The following DAAM1 variants were observed in gnomAD, a reference collection of about 807,000 sequenced individuals.
The protein encoded by DAAM1 is disheveled-associated activator of morphogenesis 1.
A neutral mutation model predicts 130.0 loss-of-function variants in DAAM1; 52 were observed. The observed-to-expected ratio is 0.40, with a 90% confidence interval of 0.32 to 0.50. The LOEUF (loss-of-function observed/expected upper bound fraction) is 0.50, where lower values mean the gene tolerates loss of function less well. DAAM1 is among the 20% of genes least tolerant of loss of function. The pLI, the probability that DAAM1 is intolerant of heterozygous loss-of-function variation, is 0.61. For missense variants in DAAM1, 1,134 were observed against 1,303.8 expected (o/e 0.87, Z 2.01); for synonymous variants, 452 against 444.5 (o/e 1.02, Z -0.21).
intron 23 of DAAM1, among the ~76,000 whole-genome samples, chr14:59,365,963 C>T (rs991402205): frequency 2.0e-5 from 3 of 152,100 alleles, no homozygotes; most frequent in African/African-American, 7.2e-5. Context: ...CTATTGAAAA[C>T]ATACTATCTT....
intron 3 of DAAM1, among the ~76,000 whole-genome samples, chr14:59,304,913 G>T (rs1884315743): frequency 6.6e-6 from 1 of 152,080 alleles, no homozygotes; most frequent in Non-Finnish European, 1.5e-5. Context: ...TTTTCCAAAG[G>T]GTCCTCTCTT....
At chr14:59,277,476 A>G (rs1883021307) in intron 2 of DAAM1, among the ~76,000 whole-genome samples, 1 of 151,312 alleles carries the variant, frequency 6.6e-6, no homozygotes, top group Non-Finnish European at 1.5e-5. Flanking sequence ...CTTCTTAATA[A>G]TAAAAAAAAA....
At chr14:59,234,520 T>A (rs1889226943) in intron 1 of DAAM1, among the ~76,000 whole-genome samples, 1 of 152,136 alleles carries the variant, frequency 6.6e-6, no homozygotes, top group Admixed American at 6.5e-5. Context: ...CTTAAGGAGT[T>A]TTTGGGCTGA....
rs114356031 is a variant in DAAM1, at chr14:59,192,697, G to A, written c.-38+3929G>A. 1.2e-3 allele frequency among the ~76,000 whole-genome samples: 184 copies of A among 152,294 alleles called. 1 individual carries two copies. Among genetic ancestry groups the A allele is most frequent in the African/African-American group, 4.3e-3 (180 of 41,568 alleles). On this transcript the variant is annotated intron_variant, in intron 1 of 24. Transcript: ENST00000360909. ...TTACAATTTCTAACTTGGTAATAGA[G>A]GTAATATTCTAAGTGAATACCAATC...
At chr14:59,205,916 G>A (rs968834954) in intron 1 of DAAM1, among the ~76,000 whole-genome samples, 1 of 152,078 alleles carries the variant, frequency 6.6e-6, no homozygotes, top group South Asian at 2.1e-4. Flanking sequence ...TTTTGTTTTT[G>A]TTTCTGTTTT....
At chr14:59,236,085 C>T (rs1889286910) in intron 1 of DAAM1, among the ~76,000 whole-genome samples, 1 of 152,132 alleles carries the variant, frequency 6.6e-6, no homozygotes, top group Non-Finnish European at 1.5e-5. Flanking sequence ...TTCCCCCCAA[C>T]CCACTTTATT....
chr14:59,325,248 T>C (rs1221215892), intron 8 of DAAM1, among the ~76,000 whole-genome samples: 1 of 152,148 alleles, frequency 6.6e-6, no homozygotes, highest in Non-Finnish European at 1.5e-5. Flanking sequence ...GTAGAATACA[T>C]AGTAGGAGCT....
intron 3 of DAAM1, chr14:59,299,686 A>G (rs1884096665): frequency 6.6e-6 from 1 of 152,182 alleles, no homozygotes. Context: ...AGACTGAGAA[A>G]GTCACTATGC....
intron 1 of DAAM1, among the ~76,000 whole-genome samples, chr14:59,242,652 G>A (rs958278727): frequency 2.0e-5 from 3 of 152,020 alleles, no homozygotes; most frequent in African/African-American, 4.8e-5. Flanking sequence ...TCTGCCTCCC[G>A]GGTTCACGCC....
At chr14:59,344,111 C>T (rs896652452) in intron 16 of DAAM1, among the ~76,000 whole-genome samples, 3 of 152,176 alleles carry the variant, frequency 2.0e-5, no homozygotes, top group Admixed American at 6.5e-5. Flanking sequence ...AATGAACCCA[C>T]CTGAAACACA....
chr14:59,263,126 C>T (rs1241993042), intron 1 of DAAM1, among the ~76,000 whole-genome samples: 4 of 152,232 alleles, frequency 2.6e-5, no homozygotes, highest in East Asian at 3.9e-4. Flanking sequence ...CAAACTAGGT[C>T]GGCAGGAAAG....
rs564512919 is a variant in DAAM1, at chr14:59,306,418, G to A, written c.274-8862G>A. Among the ~76,000 whole-genome samples, 9 of 152,316 alleles carry A rather than the reference G, an allele frequency of 5.9e-5. No individual in the cohort carries two copies. In the East Asian group the frequency reaches 1.2e-3, roughly 20 times the overall value. On this transcript the variant is annotated intron_variant, in intron 3 of 24. Transcript: ENST00000360909. Reference sequence around the variant, plus strand: ...CAAATGCCTTTTTAGATTCCATTCAGCATTGTAGATATGAGCTTAGTGAAA... The same window carrying A: ...CAAATGCCTTTTTAGATTCCATTCAACATTGTAGATATGAGCTTAGTGAAA...
chr14:59,250,291 C>T (rs186699474), intron 1 of DAAM1, among the ~76,000 whole-genome samples: 9 of 152,286 alleles, frequency 5.9e-5, no homozygotes, highest in Non-Finnish European at 1.3e-4. Context: ...TCCCTGCAAC[C>T]TTGGGAACAT....
intron 2 of DAAM1, among the ~76,000 whole-genome samples, chr14:59,273,881 GA>G (rs1882835239): frequency 6.6e-6 from 1 of 152,184 alleles, no homozygotes; most frequent in Non-Finnish European, 1.5e-5. Flanking sequence ...TTTGCTCTCA[GA>G]AAACACATGT....
At chr14:59,236,719 G>C (rs1217004731) in intron 1 of DAAM1, among the ~76,000 whole-genome samples, 1 of 152,110 alleles carries the variant, frequency 6.6e-6, no homozygotes, top group African/African-American at 2.4e-5. Flanking sequence ...ATGACTCAGG[G>C]TGGGTAACGC....
At chr14:59,339,099 A>G (rs1885745932) in intron 15 of DAAM1, among the ~76,000 whole-genome samples, 1 of 152,196 alleles carries the variant, frequency 6.6e-6, no homozygotes, top group Admixed American at 6.5e-5. Flanking sequence ...AATTTTTAGA[A>G]CTTAAACAGA....
At chr14:59,220,257 T>C (rs1888728662) in intron 1 of DAAM1, among the ~76,000 whole-genome samples, 1 of 152,118 alleles carries the variant, frequency 6.6e-6, no homozygotes, top group South Asian at 2.1e-4. Context: ...AACTTTAAGC[T>C]CCTAAAAGGC....
chr14:59,207,656 A>G (rs186510160), intron 1 of DAAM1, among the ~76,000 whole-genome samples: 5 of 152,318 alleles, frequency 3.3e-5, no homozygotes, highest in South Asian at 2.1e-4. Context: ...TCGTGTTACA[A>G]TGAAATTAGT....
chr14:59,327,550 G>A (rs1361730375), intron 12 of DAAM1, among the ~76,000 whole-genome samples: 5 of 151,730 alleles, frequency 3.3e-5, no homozygotes, highest in South Asian at 2.1e-4. Flanking sequence ...TGGGACTACC[G>A]GCGCCCGCCA....
Sources: allele counts gnomAD v4.1 joint callset (sites outside exome capture counted in the v4.1 genomes callset), GRCh38; gene constraint gnomAD v4.1.1; transcripts MANE v1.5; gene names NCBI Gene and HGNC (gene_info 2026-07-23, HGNC 2026-07-21).